Variants in SYNE1 observed in about 807,000 individuals in gnomAD.
The protein encoded by SYNE1 is nesprin-1.
In SYNE1, 616 loss-of-function variants were observed where a neutral mutation model predicts 1,111.0. That is an observed-to-expected ratio of 0.55 (90% CI 0.52 to 0.59). The LOEUF is 0.59. Ranked by LOEUF, SYNE1 falls within the 20% of genes least tolerant of loss-of-function variation. The pLI is 0.00. For missense variants in SYNE1, 10,006 were observed against 10,417.0 expected (o/e 0.96, Z 1.72); for synonymous variants, 3,855 against 3,825.8 (o/e 1.01, Z -0.28).
rs117720613 is a variant in SYNE1, at chr6:152,594,517, A to G, written c.67+33748T>C. On this transcript the variant is annotated intron_variant, in intron 3 of 145. Transcript: ENST00000367255. ...GGAGGTATTCTAAACTTAATATCCA[A>G]TGAATCTATGAAATCTTCAAGAAAT... 7.5e-3 allele frequency among the ~76,000 whole-genome samples: 1,137 copies of G among 152,364 alleles called. 11 individuals are homozygous for G. The highest frequency in any genetic ancestry group is 0.01 in the Non-Finnish European group (712 of 68,042).
At chr6:152,139,810 G>A (rs1295754639) in intron 140 of SYNE1, 140 bp downstream of exon 140, 1 of 819,250 alleles carries the variant, frequency 1.2e-6, no homozygotes. Context: ...CTGGAGGTGA[G>A]GAGAGCATTC....
chr6:152,234,881 C>T (rs758784150), intron 110 of SYNE1, 81 bp from the exon 111 acceptor site: 1 of 1,513,202 alleles, frequency 6.6e-7, no homozygotes, highest in Admixed American at 1.8e-5. Flanking sequence ...CCAATGCCAA[C>T]AGTTTTAAAA....
At chr6:152,616,458 C>T (rs2099649560) in intron 3 of SYNE1, among the ~76,000 whole-genome samples, 1 of 152,098 alleles carries the variant, frequency 6.6e-6, no homozygotes, top group Non-Finnish European at 1.5e-5. Context: ...TGCCTGTCAT[C>T]CCAGCTACTT....
At chr6:152,166,577 A>C (rs1563163276) in intron 130 of SYNE1, among the ~76,000 whole-genome samples, 1 of 152,214 alleles carries the variant, frequency 6.6e-6, no homozygotes, top group Non-Finnish European at 1.5e-5. Flanking sequence ...ATTACAGGAT[A>C]GCTTTTGTAA....
intron 3 of SYNE1, among the ~76,000 whole-genome samples, chr6:152,591,476 G>A (rs2099565241): frequency 6.6e-6 from 1 of 152,140 alleles, no homozygotes; most frequent in Non-Finnish European, 1.5e-5. Flanking sequence ...ATTGAAACAG[G>A]ACCCCTACCT....
At chr6:152,221,154 C>T in intron 118 of SYNE1, 108 bp from the exon 119 acceptor site, 3 of 1,231,780 alleles carry the variant, frequency 2.4e-6, no homozygotes, top group Non-Finnish European at 3.5e-6. Flanking sequence ...TAGACATAAT[C>T]ATTTCTAGTT....
At chr6:152,234,302 T>G (rs2083467948) in intron 111 of SYNE1, among the ~76,000 whole-genome samples, 1 of 100,422 alleles carries the variant, frequency 1.0e-5, no homozygotes, top group Non-Finnish European at 1.9e-5. Context: ...TCTTTTCTTT[T>G]TTTCTTTTTA....
chr6:152,176,365 C>A (rs41292868), intron 130 of SYNE1, 29 bp downstream of exon 130: 1 of 1,613,524 alleles, frequency 6.2e-7, no homozygotes, highest in East Asian at 2.2e-5. Context: ...ACTGCCCACA[C>A]GTGCCCTATT....
chr6:152,152,200 C>T, intron 133 of SYNE1, 59 bp from the exon 134 acceptor site: 1 of 1,490,646 alleles, frequency 6.7e-7, no homozygotes, highest in Non-Finnish European at 9.3e-7. Flanking sequence ...TCAGTAGTGG[C>T]TCCTGGTTTT....
At chr6:152,487,334 A>T (rs1392819028) in intron 12 of SYNE1, among the ~76,000 whole-genome samples, 2 of 152,212 alleles carry the variant, frequency 1.3e-5, no homozygotes, top group South Asian at 4.1e-4. Context: ...TTTGCTGAGG[A>T]TAATGACTTC....
At chr6:152,621,709 C>A (rs1744379) in intron 3 of SYNE1, among the ~76,000 whole-genome samples, 107,677 of 151,222 alleles carry the variant, frequency 0.71, 38,360 homozygotes, top group East Asian at 0.82. Context: ...GGTTGGCAAA[C>A]AGAGAGGCTT....
intron 142 of SYNE1, 198 bp from the exon 143 acceptor site, chr6:152,133,686 C>A: frequency 3.3e-6 from 2 of 611,840 alleles, no homozygotes; most frequent in Non-Finnish European, 2.9e-6. Context: ...CTATAAGACC[C>A]CTGACCGTCT....
chr6:152,550,888 G>A (rs1032884801), intron 3 of SYNE1, among the ~76,000 whole-genome samples: 2 of 152,062 alleles, frequency 1.3e-5, no homozygotes, highest in Admixed American at 6.6e-5. Context: ...TCGGATAAAG[G>A]GTTGTGTGAA....
intron 40 of SYNE1, 57 bp downstream of exon 40, chr6:152,419,512 A>C: frequency 6.5e-7 from 1 of 1,536,844 alleles, no homozygotes; most frequent in Non-Finnish European, 8.8e-7. Context: ...TTTTAATTCA[A>C]GAACTTTTTT....
chr6:152,442,614 T>A (rs2098541855), intron 30 of SYNE1, among the ~76,000 whole-genome samples: 1 of 152,184 alleles, frequency 6.6e-6, no homozygotes, highest in Non-Finnish European at 1.5e-5. Context: ...CTCCAATTTT[T>A]AAAAATTATT....
intron 4 of SYNE1, among the ~76,000 whole-genome samples, chr6:152,529,182 A>T (rs1049033498): frequency 6.6e-6 from 1 of 152,100 alleles, no homozygotes; most frequent in Admixed American, 6.5e-5. Flanking sequence ...CTTATGAAAC[A>T]CTCACTAAAT....
At chr6:152,187,808 C>G (rs574712902) in intron 128 of SYNE1, among the ~76,000 whole-genome samples, 3 of 152,276 alleles carry the variant, frequency 2.0e-5, no homozygotes, top group East Asian at 3.9e-4. Flanking sequence ...TCACTGCAAC[C>G]TCCGGCTCCT....
chr6:152,379,809 A>G (rs1411203515), intron 56 of SYNE1, among the ~76,000 whole-genome samples: 1 of 152,196 alleles, frequency 6.6e-6, no homozygotes, highest in Non-Finnish European at 1.5e-5. Flanking sequence ...CATTATTTTT[A>G]CTAATAATAT....
chr6:152,346,347 A>C (rs1040481409), intron 73 of SYNE1, among the ~76,000 whole-genome samples: 1 of 151,786 alleles, frequency 6.6e-6, no homozygotes, highest in Non-Finnish European at 1.5e-5. Flanking sequence ...TTGTATTTTT[A>C]GTGAAGACGG....
Sources: gnomAD v4.1 joint callset for allele counts (sites outside exome capture counted in the v4.1 genomes callset) on GRCh38, gnomAD v4.1.1 for gene constraint, MANE v1.5 for transcripts, NCBI Gene and HGNC (gene_info 2026-07-23, HGNC 2026-07-21) for gene names.